RAB33A: variants seen among roughly 807,000 people sequenced by gnomAD.
The protein encoded by RAB33A is ras-related protein Rab-33A.
Under a neutral mutation model 12.0 loss-of-function variants are expected in RAB33A, and 6 were observed. The ratio of observed to expected loss-of-function variants is 0.50; its 90% confidence interval spans 0.27 to 0.99. The LOEUF is 0.99. Ranked by LOEUF, RAB33A falls within the 50% of genes least tolerant of loss-of-function variation. The pLI, the probability that RAB33A is intolerant of heterozygous loss-of-function variation, is 0.11. For missense variants in RAB33A, 109 were observed against 192.0 expected (o/e 0.57, Z 2.55); for synonymous variants, 70 against 82.4 (o/e 0.85, Z 0.81).
chrX:130,165,480 G>T, the RAB33A span: 1 of 906,518 alleles, frequency 1.1e-6, no homozygotes, highest in Non-Finnish European at 1.6e-6. Context: ...GGGGGTAGAG[G>T]GCTGCAAGGC....
At chrX:130,115,604 C>A in the RAB33A span, among the ~76,000 whole-genome samples, 1 of 102,057 alleles carries the variant, frequency 9.8e-6, no homozygotes, top group Non-Finnish European at 2.0e-5. Context: ...CAGAGAGAAA[C>A]TGCCAAAAAG....
At chrX:130,162,838 T>C in the RAB33A span, among the ~76,000 whole-genome samples, 2 of 112,096 alleles carry the variant, frequency 1.8e-5, no homozygotes, top group Non-Finnish European at 3.8e-5. Context: ...AAAATGTCTA[T>C]TATCTAACCT....
At chrX:130,120,655 T>C in the RAB33A span, among the ~76,000 whole-genome samples, 1 of 112,354 alleles carries the variant, frequency 8.9e-6, no homozygotes, top group Non-Finnish European at 1.9e-5. Flanking sequence ...GCCCCCGACC[T>C]GGGGCGCTCG....
the RAB33A span, among the ~76,000 whole-genome samples, chrX:130,141,078 TGCACTCCA>T: frequency 8.9e-6 from 1 of 112,303 alleles, no homozygotes; most frequent in Non-Finnish European, 1.9e-5. Context: ...ATCATGCCAC[TGCACTCCA>T]GCCTGGGCAA....
the RAB33A span, chrX:130,129,743 G>A: frequency 1.2e-6 from 1 of 810,349 alleles, no homozygotes; most frequent in Non-Finnish European, 1.9e-6. Flanking sequence ...GGAGTTGTGG[G>A]AACAGTTCTC....
the RAB33A span, among the ~76,000 whole-genome samples, chrX:130,134,392 C>A: frequency 1.8e-5 from 2 of 111,305 alleles, no homozygotes; most frequent in African/African-American, 3.3e-5. Flanking sequence ...TATGTAGAAA[C>A]CAGTTTTTGG....
the RAB33A span, among the ~76,000 whole-genome samples, chrX:130,145,962 C>T: frequency 1.8e-5 from 2 of 111,921 alleles, no homozygotes; most frequent in Middle Eastern, 4.6e-3. Flanking sequence ...GAGGATCCTG[C>T]TCTAGATTTA....
chrX:130,131,292 G>A, the RAB33A span, among the ~76,000 whole-genome samples: 1 of 111,783 alleles, frequency 8.9e-6, no homozygotes, highest in African/African-American at 3.3e-5. Flanking sequence ...CTTGAGATTC[G>A]CCTGAAGCAA....
chrX:130,139,705 C>A, the RAB33A span: 1 of 857,601 alleles, frequency 1.2e-6, no homozygotes, highest in Non-Finnish European at 1.7e-6. Flanking sequence ...GAACTTGGAT[C>A]TCCCAAGTCC....
the RAB33A span, among the ~76,000 whole-genome samples, chrX:130,117,538 G>A: frequency 9.0e-6 from 1 of 111,422 alleles, no homozygotes; most frequent in African/African-American, 3.3e-5. Context: ...GGGTGTGGGA[G>A]ATGGAAAGAC....
the RAB33A span, among the ~76,000 whole-genome samples, chrX:130,126,478 G>A: frequency 1.2e-3 from 118 of 99,897 alleles, no homozygotes; most frequent in Admixed American, 1.8e-3. Flanking sequence ...GCAACAGAGC[G>A]AGACTCCATC....
the RAB33A span, among the ~76,000 whole-genome samples, chrX:130,160,591 AT>A: frequency 1.3e-4 from 15 of 111,693 alleles, no homozygotes; most frequent in Non-Finnish European, 2.4e-4. Flanking sequence ...TACTATTAAA[AT>A]TTTTTTTAAA....
chrX:130,165,634 G>A, the RAB33A span: 2 of 1,201,232 alleles, frequency 1.7e-6, no homozygotes, highest in South Asian at 1.8e-5. Flanking sequence ...AGCACCCGCC[G>A]CCAGGCCTCC....
chrX:130,136,893 C>T, the RAB33A span, among the ~76,000 whole-genome samples: 1 of 111,264 alleles, frequency 9.0e-6, no homozygotes, highest in Admixed American at 9.6e-5. Flanking sequence ...ATTTTCAGCA[C>T]TTCCAGGAAT....
At chrX:130,137,148 G>A in the RAB33A span, 24 of 1,209,499 alleles carry the variant, frequency 2.0e-5, no homozygotes, top group African/African-American at 7.0e-5. Flanking sequence ...TTCCTTTCTC[G>A]GGGAAGAGTT....
At chrX:130,118,648 C>T in the RAB33A span, among the ~76,000 whole-genome samples, 2 of 112,060 alleles carry the variant, frequency 1.8e-5, no homozygotes, top group African/African-American at 6.5e-5. Flanking sequence ...CTTTCCAGCC[C>T]TCTTTTGAGG....
chrX:130,179,833 G>A (rs188643708), intron 1 of RAB33A, among the ~76,000 whole-genome samples: 3 of 103,173 alleles, frequency 2.9e-5, no homozygotes, highest in African/African-American at 1.1e-4. Flanking sequence ...CCTCAGTGAC[G>A]AGTGTGGTCT....
chrX:130,177,118 G>A (rs898403065), intron 1 of RAB33A, among the ~76,000 whole-genome samples: 1 of 112,068 alleles, frequency 8.9e-6, no homozygotes, highest in African/African-American at 3.3e-5. Flanking sequence ...CCATCAGTTC[G>A]GGCCTGCCCC....
At chrX:130,144,144 C>T in the RAB33A span, among the ~76,000 whole-genome samples, 1 of 111,621 alleles carries the variant, frequency 9.0e-6, no homozygotes, top group Non-Finnish European at 1.9e-5. Flanking sequence ...AGAATAGGTA[C>T]TATACAAATT....
Sources: gnomAD v4.1 joint callset for allele counts (sites outside exome capture counted in the v4.1 genomes callset) on GRCh38, gnomAD v4.1.1 for gene constraint, MANE v1.5 for transcripts, NCBI Gene and HGNC (gene_info 2026-07-23, HGNC 2026-07-21) for gene names.